Variants in ACSS1 observed in about 807,000 individuals in gnomAD.
The protein encoded by ACSS1 is acyl-CoA synthetase short chain family member 1.
A neutral mutation model predicts 75.3 loss-of-function variants in ACSS1; 42 were observed. The ratio of observed to expected loss-of-function variants is 0.56; its 90% CI spans 0.44 to 0.72. The LOEUF (loss-of-function observed/expected upper bound fraction) is 0.72. Ranked by LOEUF, ACSS1 falls within the 30% of genes least tolerant of loss-of-function variation. The probability of loss-of-function intolerance (pLI) is 0.00; values close to 1 mark genes in which losing one functional copy is unlikely to be tolerated. For synonymous variants in ACSS1, 380 were observed against 376.8 expected (o/e 1.01, Z -0.10); for missense variants, 782 against 935.7 (o/e 0.84, Z 2.14).
chr20:25,022,802 G>T, intron 5 of ACSS1, 138 bp downstream of exon 5: 2 of 1,241,546 alleles, frequency 1.6e-6, no homozygotes, highest in Non-Finnish European at 2.1e-6. Flanking sequence ...GGACTCGAGG[G>T]GGCCCTGCCC....
At chr20:25,029,495 G>C (rs537029226) in intron 3 of ACSS1, among the ~76,000 whole-genome samples, 1 of 152,258 alleles carries the variant, frequency 6.6e-6, no homozygotes, top group South Asian at 2.1e-4. Context: ...ATTACCACAT[G>C]AGTCAGCAAG....
intron 2 of ACSS1, among the ~76,000 whole-genome samples, chr20:25,036,064 G>A (rs1194594490): frequency 6.6e-6 from 1 of 152,194 alleles, no homozygotes; most frequent in Non-Finnish European, 1.5e-5. Context: ...AAAGCACGGG[G>A]ACATGCAGCT....
intron 7 of ACSS1, among the ~76,000 whole-genome samples, chr20:25,019,738 T>G (rs1161762311): frequency 6.6e-6 from 1 of 152,234 alleles, no homozygotes; most frequent in African/African-American, 2.4e-5. Flanking sequence ...GTATTCCTAA[T>G]GAAGATTAAG....
intron 2 of ACSS1, among the ~76,000 whole-genome samples, chr20:25,034,036 A>T (rs1453178908): frequency 3.5e-5 from 5 of 142,588 alleles, no homozygotes; most frequent in South Asian, 2.2e-4. Flanking sequence ...GGGGCTCCTG[A>T]TGAAGGATTT....
At chr20:25,040,321 G>A (rs73346977) in intron 2 of ACSS1, among the ~76,000 whole-genome samples, 5,440 of 152,306 alleles carry the variant, frequency 0.036, 317 homozygotes, top group African/African-American at 0.12. Flanking sequence ...CCTGGACGCA[G>A]GTTGGGGGTC....
chr20:25,031,310 CA>C (rs1374525717), intron 2 of ACSS1, among the ~76,000 whole-genome samples: 1 of 152,038 alleles, frequency 6.6e-6, no homozygotes, highest in Non-Finnish European at 1.5e-5. Context: ...CATTCCTTGC[CA>C]GTCATGACCC....
intron 7 of ACSS1, among the ~76,000 whole-genome samples, chr20:25,015,868 A>G (rs776740583): frequency 6.6e-6 from 1 of 152,226 alleles, no homozygotes; most frequent in South Asian, 2.1e-4. Context: ...TTAAAACTCC[A>G]TACAACCAAT....
rs201405516 is a variant in ACSS1 at position 25,048,075 on chromosome 20, G to A, written c.431+10C>T. 1.6e-5 allele frequency: 26 copies of A among 1,612,930 alleles called. No homozygotes were observed. Among genetic ancestry groups the A allele is most frequent in the Non-Finnish European group, 2.2e-5 (26 of 1,179,576 alleles). On this transcript the variant is annotated intron_variant, in intron 2 of 13. Transcript: ENST00000323482. ...CTCCCTCGCACCTTGAACATTCGAG[G>A]GCACAGTACCTGTAGGTGATCCTCA... is the stretch of plus-strand genomic sequence containing the variant.
chr20:25,013,848 C>T, intron 9 of ACSS1, 113 bp downstream of exon 9: 1 of 1,350,294 alleles, frequency 7.4e-7, no homozygotes, highest in South Asian at 1.3e-5. Context: ...GCTGCAAGGT[C>T]AGCAGCCTCC....
Position 25,056,853 on chromosome 20 carries a change from C to T in ACSS1, c.334+916G>A, listed in dbSNP as rs1376804624. 2.0e-5 allele frequency among the ~76,000 whole-genome samples: 3 copies of T among 152,214 alleles called. No homozygotes were observed. In the East Asian group the frequency reaches 5.8e-4, roughly 29 times the overall value. ...CCAGCCCCTCCCCGCAGGCCCCACA[C>T]CCAGGCCCACCCTGCATCCGGAGCC... On this transcript the variant is annotated intron_variant, in intron 1 of 13. Coordinates refer to ENST00000323482, the MANE Select transcript of ACSS1 (RefSeq NM_032501.4).
chr20:25,012,737 C>T lies in ACSS1; in HGVS notation c.1708-73G>A. The T allele has an allele frequency of 7.4e-6, 12 of 1,613,078 alleles. No homozygotes were observed. The South Asian group carries it at 1.1e-4, about 15-fold the overall frequency. On this transcript the variant is annotated intron_variant, in intron 11 of 13. Coordinates refer to ENST00000323482, the MANE Select transcript of ACSS1 (RefSeq NM_032501.4). ...CTAGAAGTGACTCGGGCCAGGGACT[C>T]CCACCCCAACTTGCAGGTCCACAGG...
intron 3 of ACSS1, among the ~76,000 whole-genome samples, chr20:25,025,875 T>C (rs2088706492): frequency 6.6e-6 from 1 of 152,108 alleles, no homozygotes; most frequent in Admixed American, 6.5e-5. Context: ...ATTAAGGATG[T>C]GGGATTAGAT....
At chr20:25,010,282 ATCTTTCT>A (rs1043068814) in intron 12 of ACSS1, 2 of 152,392 alleles carry the variant, frequency 1.3e-5, no homozygotes, top group Non-Finnish European at 1.5e-5. Context: ...CTTGGTGATC[ATCTTTCT>A]TGCTCTTTGT....
intron 1 of ACSS1, 60 bp from the exon 2 acceptor site, chr20:25,048,241 C>T: frequency 6.7e-7 from 1 of 1,499,016 alleles, no homozygotes; most frequent in Non-Finnish European, 9.2e-7. Context: ...AGAATTCGGC[C>T]AGGTTGAGGG....
chr20:25,018,146 C>T (rs758042243), intron 7 of ACSS1, among the ~76,000 whole-genome samples: 1 of 152,210 alleles, frequency 6.6e-6, no homozygotes, highest in Non-Finnish European at 1.5e-5. Flanking sequence ...GAGGTGGAAC[C>T]TTTATGAGGT....
chr20:25,023,126 G>C (rs757902390), intron 4 of ACSS1, 34 bp from the exon 5 acceptor site: 1 of 1,595,150 alleles, frequency 6.3e-7, no homozygotes, highest in South Asian at 1.1e-5. Context: ...GCCCACCGAG[G>C]GCACTCAGCC....
chr20:25,023,599 C>G lies in ACSS1; in HGVS notation c.674G>C (p.Gly225Ala). Residue 225 changes from glycine to alanine, a missense_variant, in exon 4 of 14, where the codon GGT (glycine) becomes GCT (alanine). Around this residue, in one of 2 missense-constraint regions of ACSS1, gnomAD observed 377 missense variants for 383.1 expected, o/e 0.98. Transcript: ENST00000323482. ...VVITFNQGLR[G>A]GRVVELKKIV... ...TTTCTTCAGCTCCACCACGCGCCCA[C>G]CCCGGAGTCCTTGGTTGAAGGTGAT... 1 of 1,612,880 alleles carries G rather than the reference C, an allele frequency of 6.2e-7. No homozygotes were observed. Among genetic ancestry groups the G allele is most frequent in the South Asian group, 1.1e-5 (1 of 90,986 alleles).
In ACSS1 at chr20:25,021,482, A is replaced by G. The variant is rs1288084144; in HGVS notation, c.1015T>C (p.Trp339Arg). The G allele has an allele frequency of 6.8e-6, 11 of 1,614,110 alleles. No homozygotes were observed. The highest frequency in any genetic ancestry group is 9.3e-6 in the Non-Finnish European group (11 of 1,180,046). The change falls in exon 6 of 14, where the codon TGG becomes CGG. Residue 339 changes from tryptophan to arginine, a missense_variant. This residue lies in a region of ACSS1 where 405 missense variants were observed against 552.6 expected (regional missense o/e 0.73). Transcript: ENST00000323482. ...ACCACGTAGCTGTGTCCTGTAATCC[A>G]ACCGATGTCGGCCACACAGCCAAAG... The part of the protein sequence containing the change: ...DIFGCVADIG[W>R]ITGHSYVVYG...
At chr20:25,042,785 T>C (rs1168007180) in intron 2 of ACSS1, among the ~76,000 whole-genome samples, 6 of 152,072 alleles carry the variant, frequency 3.9e-5, no homozygotes, top group Non-Finnish European at 7.4e-5. Context: ...GGGCCACCCA[T>C]GTCCTGCCCT....
Sources: allele counts gnomAD v4.1 joint callset (sites outside exome capture counted in the v4.1 genomes callset), GRCh38; gene constraint gnomAD v4.1.1; regional missense constraint gnomAD v4.1.1; transcripts MANE v1.5; gene names NCBI Gene and HGNC (gene_info 2026-07-23, HGNC 2026-07-21).